PHF21B: variants seen among roughly 807,000 people sequenced by gnomAD.
PHF21B encodes PHD finger protein 4.
PHF21B carries 22 observed loss-of-function variants against 62.2 expected under a neutral mutation model. That is an observed-to-expected ratio of 0.35 (90% CI 0.25 to 0.51). PHF21B has a LOEUF of 0.51. PHF21B is among the 20% of genes least tolerant of loss of function. PHF21B has a pLI of 0.97. For synonymous variants in PHF21B, 341 were observed against 314.7 expected, an observed-to-expected ratio of 1.08 and a Z score of -0.88; for missense variants, 701 against 707.9, an observed-to-expected ratio of 0.99 and a Z score of 0.11.
chr22:44,933,553 T>C (rs964815825), intron 2 of PHF21B: 2 of 985,166 alleles, frequency 2.0e-6, no homozygotes, highest in Admixed American at 6.2e-5. Context: ...CATCAGAACG[T>C]GCTGCCCGCA....
chr22:44,973,463 C>A (rs1422636505), intron 2 of PHF21B, among the ~76,000 whole-genome samples: 1 of 152,170 alleles, frequency 6.6e-6, no homozygotes. Flanking sequence ...AACCACAGCT[C>A]ACAGTGAGGA....
At chr22:44,943,960 G>A (rs933338643) in intron 2 of PHF21B, among the ~76,000 whole-genome samples, 6 of 152,184 alleles carry the variant, frequency 3.9e-5, no homozygotes, top group African/African-American at 1.4e-4. Flanking sequence ...AATGTCTTCA[G>A]CCCTTTGGAC....
intron 2 of PHF21B, among the ~76,000 whole-genome samples, chr22:44,972,832 G>GT (rs2072665082): frequency 6.6e-6 from 1 of 152,200 alleles, no homozygotes; most frequent in African/African-American, 2.4e-5. Context: ...GACAGGGACT[G>GT]TGTCTTTGCT....
At chr22:44,908,645 A>C (rs947996321) in intron 5 of PHF21B, among the ~76,000 whole-genome samples, 6 of 152,150 alleles carry the variant, frequency 3.9e-5, no homozygotes, top group Admixed American at 3.9e-4. Flanking sequence ...CTTCACAAAA[A>C]TCCACACCCC....
Position 44,962,636 on chromosome 22 carries a change from C to T in PHF21B, c.121-42146G>A, listed in dbSNP as rs542189126. 2.6e-5 allele frequency among the ~76,000 whole-genome samples: 4 copies of T among 152,360 alleles called. No homozygotes were observed. In the South Asian group the frequency reaches 8.3e-4, roughly 32 times the overall value. On this transcript the variant is annotated intron_variant, in intron 2 of 12. Coordinates refer to ENST00000313237, the MANE Select transcript of PHF21B (RefSeq NM_138415.5). The stretch of plus-strand genomic sequence containing the variant: ...TCAGTCAGGGACCATCTGTACACCA[C>T]ACATCCTACTGGCTGTATTTCTCTG...
At chr22:44,946,147 C>T (rs1411483980) in intron 2 of PHF21B, among the ~76,000 whole-genome samples, 1 of 146,892 alleles carries the variant, frequency 6.8e-6, no homozygotes, top group African/African-American at 2.7e-5. Context: ...CCAGAGTGGT[C>T]ACGGAAGGCT....
intron 7 of PHF21B, 141 bp downstream of exon 7, chr22:44,893,316 A>G (rs1601570873): frequency 1.5e-6 from 1 of 684,508 alleles, no homozygotes; most frequent in East Asian, 2.7e-5. Flanking sequence ...ATTTACGGTC[A>G]CCCCCCAGCC....
chr22:44,904,086 T>G (rs2071208133), intron 5 of PHF21B, among the ~76,000 whole-genome samples: 1 of 152,226 alleles, frequency 6.6e-6, no homozygotes, highest in South Asian at 2.1e-4. Context: ...GGCATTACAT[T>G]TTTTTCACTG....
intron 2 of PHF21B, among the ~76,000 whole-genome samples, chr22:44,921,975 A>G (rs1399757496): frequency 1.3e-5 from 2 of 152,196 alleles, no homozygotes; most frequent in African/African-American, 4.8e-5. Flanking sequence ...GAGCAGTTCT[A>G]CATGGCTACA....
At chr22:44,901,682 A>G in intron 5 of PHF21B, 1 of 509,834 alleles carries the variant, frequency 2.0e-6, no homozygotes, top group Non-Finnish European at 3.1e-6. Context: ...CTCAAAGCTA[A>G]AAAGCCCAAG....
chr22:44,956,660 C>T (rs2072304218), intron 2 of PHF21B, among the ~76,000 whole-genome samples: 2 of 152,128 alleles, frequency 1.3e-5, no homozygotes, highest in African/African-American at 4.8e-5. Flanking sequence ...ACAAGCGACC[C>T]CAGGAGGTCT....
At chr22:44,960,274 T>C (rs1329045076) in intron 2 of PHF21B, among the ~76,000 whole-genome samples, 1 of 152,164 alleles carries the variant, frequency 6.6e-6, no homozygotes, top group Non-Finnish European at 1.5e-5. Context: ...CCCCCTTCCC[T>C]CCACAGCTAC....
intron 2 of PHF21B, among the ~76,000 whole-genome samples, chr22:44,995,048 TC>T (rs2073098459): frequency 6.6e-6 from 1 of 152,120 alleles, no homozygotes; most frequent in African/African-American, 2.4e-5. Context: ...GCCTTTTTCA[TC>T]AACTAAACAA....
chr22:44,903,301 T>C lies in PHF21B; in HGVS notation c.832-7218A>G, dbSNP rs147340196. Among the ~76,000 whole-genome samples the C allele has an allele frequency of 3.1e-3, 466 of 151,970 alleles. 4 individuals are homozygous for C. Among genetic ancestry groups the C allele is most frequent in the African/African-American group, 0.01 (426 of 41,422 alleles). On this transcript the variant is annotated intron_variant, in intron 5 of 12. Coordinates refer to ENST00000313237, the MANE Select transcript of PHF21B (RefSeq NM_138415.5). ...CAGGGAGTGCATGCCACTGACTTTT[T>C]CTGCAGCCTGTGGCTCCTTGGCCCT...
chr22:44,977,251 A>G (rs974961989), intron 2 of PHF21B, among the ~76,000 whole-genome samples: 3 of 151,968 alleles, frequency 2.0e-5, no homozygotes, highest in Admixed American at 2.0e-4. Flanking sequence ...TTAATAGTTT[A>G]CCACATATGT....
chr22:44,971,349 A>C (rs1437917289), intron 2 of PHF21B: 1 of 152,114 alleles, frequency 6.6e-6, no homozygotes, highest in Non-Finnish European at 1.5e-5. Context: ...TGTGTTTTTC[A>C]GATGATAAAG....
chr22:44,923,955 G>T (rs1488200235), intron 2 of PHF21B, among the ~76,000 whole-genome samples: 1 of 151,352 alleles, frequency 6.6e-6, no homozygotes, highest in African/African-American at 2.4e-5. Flanking sequence ...AGGCTGCAGT[G>T]AGCCATGATT....
chr22:44,923,988 G>C (rs947350869), intron 2 of PHF21B, among the ~76,000 whole-genome samples: 1 of 148,472 alleles, frequency 6.7e-6, no homozygotes, highest in East Asian at 2.0e-4. Flanking sequence ...TCCAGCCTGA[G>C]TGACAAAGTG....
rs1223055509 is a variant in PHF21B, at chr22:44,920,465, G to A, written c.146C>T (p.Pro49Leu). 2 of 1,612,504 alleles carry A rather than the reference G, an allele frequency of 1.2e-6. No individual in the cohort carries two copies. The highest frequency in any genetic ancestry group is 8.5e-7 in the Non-Finnish European group (1 of 1,179,212). The change falls in exon 3 of 13, where the codon CCT becomes CTT. Residue 49 changes from proline (P) to leucine (L), a missense_variant. Pro to Leu is a moderately conservative substitution (Grantham distance 98, BLOSUM62 -3). Coordinates refer to ENST00000313237, the MANE Select transcript of PHF21B (RefSeq NM_138415.5). ...GGAGCTGACCTGAGGACCCGTGACA[G>A]GCACTGCAGTGATCGTTCCCAAAGC... ...KQALGTITAV[P>L]VTGPQVSSLQ...
Sources: allele counts gnomAD v4.1 joint callset (sites outside exome capture counted in the v4.1 genomes callset), GRCh38; gene constraint gnomAD v4.1.1; transcripts MANE v1.5; gene names NCBI Gene and HGNC (gene_info 2026-07-23, HGNC 2026-07-21).